FBXO11: variants seen among roughly 807,000 people sequenced by gnomAD.
FBXO11 encodes F-box protein 11, also known as F-box only protein 11.
In FBXO11, 13 loss-of-function variants were observed where a neutral mutation model predicts 117.0. That is an observed-to-expected ratio of 0.11 (90% CI 0.07 to 0.18). The LOEUF is 0.18. FBXO11 is among the 10% of genes least tolerant of loss of function. FBXO11 has a pLI of 1.00. For missense variants in FBXO11, 767 were observed against 1,164.4 expected (o/e 0.66, Z 4.97); for synonymous variants, 490 against 380.5 (o/e 1.29, Z -3.35).
In FBXO11 at chr2:47,825,705, T is replaced by C. The variant is rs941082657; in HGVS notation, c.1399-2345A>G. On this transcript the variant is annotated intron_variant, in intron 11 of 22. Transcript: ENST00000403359. Reference sequence around the variant, plus strand: ...GATCCTCCCCACTCAACCTCCCAAGTAGCTGAGACCACGGGTGCATGGCAC... The same window carrying C: ...GATCCTCCCCACTCAACCTCCCAAGCAGCTGAGACCACGGGTGCATGGCAC... Among the ~76,000 whole-genome samples the C allele has an allele frequency of 9.9e-5, 15 of 151,568 alleles. No homozygotes were observed. The South Asian group carries it at 2.9e-3, about 29-fold the overall frequency.
In FBXO11 at chr2:47,806,977, G is replaced by C; in HGVS notation, c.*1141C>G. On this transcript the variant is annotated 3_prime_UTR_variant, in exon 23 of 23. Transcript: ENST00000403359. The stretch of plus-strand genomic sequence containing the variant: ...GACCATTTTTCCATTTTCTTTCTAG[G>C]AAATTAAACCCTTTTAATTCTTATC... The C allele has an allele frequency of 1.2e-6, 1 of 808,624 alleles. No homozygotes were observed. The highest frequency in any genetic ancestry group is 1.7e-5 in the African/African-American group (1 of 58,164). The allele number at this position is 808,624 out of a possible 1,614,324, so 50.1% of individuals were successfully genotyped here.
intron 1 of FBXO11, among the ~76,000 whole-genome samples, chr2:47,863,098 A>C (rs1393148670): frequency 6.6e-6 from 1 of 151,908 alleles, no homozygotes; most frequent in East Asian, 1.9e-4. Context: ...AAACAAAAAA[A>C]ACCACCATAC....
intron 4 of FBXO11, among the ~76,000 whole-genome samples, chr2:47,836,493 C>G (rs1383012628): frequency 6.6e-6 from 1 of 152,072 alleles, no homozygotes; most frequent in Non-Finnish European, 1.5e-5. Context: ...CTCAGCCTCC[C>G]AAGTAGCTGG....
chr2:47,888,649 A>G (rs1677042940), intron 1 of FBXO11: 3 of 981,770 alleles, frequency 3.1e-6, no homozygotes, highest in Non-Finnish European at 3.6e-6. Flanking sequence ...CTTCTTTGGA[A>G]TAACACTTAA....
At chr2:47,883,427 T>G (rs1212939677) in intron 1 of FBXO11, 1 of 382,822 alleles carries the variant, frequency 2.6e-6, no homozygotes, top group Non-Finnish European at 5.2e-6. Context: ...ATCTCTTTAT[T>G]TCACTCAACC....
At chr2:47,814,789 G>C (rs947643534) in intron 16 of FBXO11, among the ~76,000 whole-genome samples, 1 of 152,214 alleles carries the variant, frequency 6.6e-6, no homozygotes, top group Non-Finnish European at 1.5e-5. Flanking sequence ...TTTGCTCACA[G>C]TAGAATTTCT....
At chr2:47,891,725 G>T (rs1210544695) in intron 1 of FBXO11, among the ~76,000 whole-genome samples, 1 of 151,992 alleles carries the variant, frequency 6.6e-6, no homozygotes, top group South Asian at 2.1e-4. Context: ...ACACCATTTT[G>T]CATTTCTACC....
rs1678778579 is a variant in FBXO11, at chr2:47,905,896, A to G, written c.-176T>C. 1 of 676,526 alleles carries G rather than the reference A, an allele frequency of 1.5e-6. No homozygotes were observed. Among genetic ancestry groups the G allele is most frequent in the Non-Finnish European group, 2.3e-6 (1 of 440,008 alleles). 41.9% of individuals were successfully genotyped at this position (676,526 alleles called of 1,614,324 possible). On this transcript the variant is annotated 5_prime_UTR_variant, in exon 1 of 23. Coordinates refer to ENST00000403359, the MANE Select transcript of FBXO11 (RefSeq NM_001190274.2). ...GCGAGCGGGACCCCGAGTCCGGAGA[A>G]AGGCCCGGGTAGACAGACGGAGACC... is the stretch of plus-strand genomic sequence containing the variant.
chr2:47,890,587 T>C (rs909485486), intron 1 of FBXO11, among the ~76,000 whole-genome samples: 9 of 152,064 alleles, frequency 5.9e-5, no homozygotes, highest in African/African-American at 2.2e-4. Flanking sequence ...GTGGACCACC[T>C]GAGGTCAGGA....
At chr2:47,839,328 T>C in intron 3 of FBXO11, 91 bp downstream of exon 3, 7 of 1,150,978 alleles carry the variant, frequency 6.1e-6, no homozygotes, top group Middle Eastern at 2.0e-4. Flanking sequence ...CCAAAGGTAA[T>C]ACTCGAATAC....
At chr2:47,868,790 A>G (rs900555495) in intron 1 of FBXO11, among the ~76,000 whole-genome samples, 20 of 152,160 alleles carry the variant, frequency 1.3e-4, no homozygotes, top group Admixed American at 9.8e-4. Context: ...AGCCCCCAAT[A>G]TAGTACCATT....
intron 1 of FBXO11, among the ~76,000 whole-genome samples, chr2:47,904,657 G>T (rs925385265): frequency 1.3e-5 from 2 of 151,404 alleles, no homozygotes; most frequent in Admixed American, 6.6e-5. Flanking sequence ...AGCAAGGGGC[G>T]TTCAAACCCC....
At chr2:47,827,792 G>A (rs1251036049) in intron 11 of FBXO11, among the ~76,000 whole-genome samples, 3 of 151,734 alleles carry the variant, frequency 2.0e-5, no homozygotes. Flanking sequence ...CAAATCCCAG[G>A]TTCAAGCAAT....
intron 1 of FBXO11, among the ~76,000 whole-genome samples, chr2:47,904,217 T>C (rs919768056): frequency 6.6e-6 from 1 of 152,214 alleles, no homozygotes; most frequent in Non-Finnish European, 1.5e-5. Context: ...AACAAACGCA[T>C]GTAAAATTAA....
chr2:47,890,116 A>G (rs1677151971), intron 1 of FBXO11, among the ~76,000 whole-genome samples: 1 of 151,796 alleles, frequency 6.6e-6, no homozygotes, highest in Admixed American at 6.6e-5. Flanking sequence ...AGGCCTGGCT[A>G]ATTTTTATTA....
Position 47,881,988 on chromosome 2 carries a change from TCTGC to T in FBXO11, c.232+23497_232+23500del, listed in dbSNP as rs1424500155. Among the ~76,000 whole-genome samples the T allele has an allele frequency of 2.0e-5, 3 of 152,192 alleles. No individual in the cohort carries two copies. The East Asian group carries it at 5.8e-4, about 29-fold the overall frequency. On this transcript the variant is annotated intron_variant, in intron 1 of 22. Coordinates refer to ENST00000403359, the MANE Select transcript of FBXO11 (RefSeq NM_001190274.2). The stretch of plus-strand genomic sequence containing the variant: ...GTCTTGAACTCCTGGCCTCAAGTGA[TCTGC>T]CTATTTTGGCCTCCCAAAGTGCTGG...
intron 21 of FBXO11, 24 bp downstream of exon 21, chr2:47,809,134 G>C (rs970571396): frequency 1.4e-6 from 2 of 1,383,436 alleles, no homozygotes; most frequent in Non-Finnish European, 2.0e-6. Flanking sequence ...CTCTTTTCAG[G>C]ACTCAAATAT....
chr2:47,874,183 C>T (rs1675829246), intron 1 of FBXO11, among the ~76,000 whole-genome samples: 1 of 152,114 alleles, frequency 6.6e-6, no homozygotes, highest in African/African-American at 2.4e-5. Context: ...CACTGCACTC[C>T]AGTCCGGACG....
At chr2:47,850,257 T>C (rs989383364) in intron 1 of FBXO11, among the ~76,000 whole-genome samples, 10 of 151,986 alleles carry the variant, frequency 6.6e-5, no homozygotes, top group African/African-American at 1.9e-4. Flanking sequence ...ACTTTGGAGA[T>C]TGAAGGTGGG....
Sources: allele counts gnomAD v4.1 joint callset (sites outside exome capture counted in the v4.1 genomes callset), GRCh38; gene constraint gnomAD v4.1.1; transcripts MANE v1.5; gene names NCBI Gene and HGNC (gene_info 2026-07-23, HGNC 2026-07-21).